The following PTPRM variants were observed in gnomAD, a reference collection of about 807,000 sequenced individuals.
PTPRM encodes protein tyrosine phosphatase receptor type M, also known as receptor-type tyrosine-protein phosphatase mu.
Under a neutral mutation model 186.7 loss-of-function variants are expected in PTPRM, and 47 were observed. The observed-to-expected ratio is 0.25, with a 90% CI of 0.20 to 0.32. The LOEUF is 0.32. Ranked by LOEUF, PTPRM falls within the 10% of genes least tolerant of loss-of-function variation. The pLI is 1.00. For missense variants in PTPRM, 1,494 were observed against 1,865.0 expected (o/e 0.80, Z 3.66); for synonymous variants, 668 against 674.9 (o/e 0.99, Z 0.16).
chr18:7,867,083 A>G (rs144036116), intron 2 of PTPRM, among the ~76,000 whole-genome samples: 9,053 of 151,976 alleles, frequency 0.06, 279 homozygotes, highest in Middle Eastern at 0.12. Flanking sequence ...TTTTGAGCCT[A>G]TGTGTGTCTT....
rs576584459 is a variant in PTPRM, at chr18:8,195,123, G to A, written c.2301-48935G>A. Among the ~76,000 whole-genome samples, 70 of 147,358 alleles carry A rather than the reference G, an allele frequency of 4.8e-4. No homozygotes were observed. The South Asian group carries it at 9.9e-3, about 21-fold the overall frequency. On this transcript the variant is annotated intron_variant, in intron 14 of 32. Coordinates refer to ENST00000580170, the MANE Select transcript of PTPRM (RefSeq NM_001105244.2). ...AGTACTGGGAAGTAGCTAGAATGGAGTTGAGTCAATTCTCAGCTCTTAGAA... is the reference window on the plus strand; with the variant it reads ...AGTACTGGGAAGTAGCTAGAATGGAATTGAGTCAATTCTCAGCTCTTAGAA...
chr18:7,837,415 C>T (rs1188989684), intron 2 of PTPRM, among the ~76,000 whole-genome samples: 1 of 152,124 alleles, frequency 6.6e-6, no homozygotes, highest in Non-Finnish European at 1.5e-5. Flanking sequence ...TGAATTCCTT[C>T]TCTGTGTTAT....
chr18:8,364,814 C>T (rs1426728000), intron 23 of PTPRM: 1 of 152,128 alleles, frequency 6.6e-6, no homozygotes, highest in African/African-American at 2.4e-5. Flanking sequence ...ATTATGGTGC[C>T]CCCAACTTAA....
At chr18:7,824,944 T>C (rs563282641) in intron 2 of PTPRM, among the ~76,000 whole-genome samples, 1 of 152,336 alleles carries the variant, frequency 6.6e-6, no homozygotes, top group South Asian at 2.1e-4. Flanking sequence ...TTTTCCAGAC[T>C]TAAGCTTCTC....
At chr18:8,206,579 T>A (rs1156863731) in intron 14 of PTPRM, among the ~76,000 whole-genome samples, 1 of 152,166 alleles carries the variant, frequency 6.6e-6, no homozygotes, top group Non-Finnish European at 1.5e-5. Flanking sequence ...AAATGACTGA[T>A]GTTCCTAAAG....
chr18:7,719,254 G>T (rs2040402766), intron 1 of PTPRM, among the ~76,000 whole-genome samples: 1 of 152,168 alleles, frequency 6.6e-6, no homozygotes, highest in Non-Finnish European at 1.5e-5. Flanking sequence ...GCAATTTGGA[G>T]TTGGCAGCCA....
chr18:8,156,500 G>A (rs1473009837), intron 14 of PTPRM, among the ~76,000 whole-genome samples: 2 of 152,174 alleles, frequency 1.3e-5, no homozygotes, highest in African/African-American at 2.4e-5. Flanking sequence ...GTAAAAATTA[G>A]ATGGTATATG....
chr18:7,699,103 A>T (rs1377267677), intron 1 of PTPRM, among the ~76,000 whole-genome samples: 2 of 152,096 alleles, frequency 1.3e-5, no homozygotes, highest in African/African-American at 4.8e-5. Context: ...AGGAGCACGA[A>T]CTCTTTTGTG....
At chr18:7,766,317 C>T (rs776563084) in intron 1 of PTPRM, among the ~76,000 whole-genome samples, 4 of 151,830 alleles carry the variant, frequency 2.6e-5, no homozygotes, top group Non-Finnish European at 4.4e-5. Flanking sequence ...ATAACTGTAA[C>T]GGGTATTAGA....
chr18:8,103,631 C>G (rs149553333), intron 11 of PTPRM, among the ~76,000 whole-genome samples: 441 of 152,262 alleles, frequency 2.9e-3, no homozygotes, highest in African/African-American at 9.9e-3. Context: ...CCAGACCACT[C>G]AAGTTAGTTT....
intron 11 of PTPRM, among the ~76,000 whole-genome samples, chr18:8,094,590 T>G (rs766118665): frequency 2.0e-5 from 3 of 151,790 alleles, no homozygotes; most frequent in Non-Finnish European, 2.9e-5. Flanking sequence ...TTTTAAAAAT[T>G]TAAAACAAAA....
Position 8,146,311 on chromosome 18 carries a change from G to A in PTPRM, c.2300+2532G>A, listed in dbSNP as rs202198379. Among the ~76,000 whole-genome samples the A allele has an allele frequency of 7.9e-5, 12 of 152,050 alleles. No homozygotes were observed. The East Asian group carries it at 2.1e-3, about 27-fold the overall frequency. ...GCTGGGATTACAGGCGTGAGCCACC[G>A]TGCCCAGCCTTCCTGACTTTTAATG... On this transcript the variant is annotated intron_variant, in intron 14 of 32. Transcript: ENST00000580170.
chr18:8,356,347 G>C, intron 23 of PTPRM, among the ~76,000 whole-genome samples: 1 of 152,216 alleles, frequency 6.6e-6, no homozygotes, highest in East Asian at 1.9e-4. Flanking sequence ...GGAGAGACTG[G>C]ACATCTTGGG....
rs1324194221 is a variant in PTPRM at position 7,614,759 on chromosome 18, G to A, written c.73+46868G>A. On this transcript the variant is annotated intron_variant, in intron 1 of 32. Transcript: ENST00000580170. ...CAGGTAATGAGTTTGACACAGGATCGATGTGCTGTCAGTCTTGAGCACAGG... is the reference window on the plus strand; with the variant it reads ...CAGGTAATGAGTTTGACACAGGATCAATGTGCTGTCAGTCTTGAGCACAGG... Among the ~76,000 whole-genome samples the A allele has an allele frequency of 7.2e-5, 11 of 152,278 alleles. No individual in the cohort carries two copies. The South Asian group carries it at 1.9e-3, about 26-fold the overall frequency.
rs767228709 is a variant in PTPRM at position 8,296,345 on chromosome 18, T to G, written c.2755-23T>G. The G allele has an allele frequency of 8.6e-6, 13 of 1,504,160 alleles. No homozygotes were observed. The South Asian group carries it at 1.4e-4, about 16-fold the overall frequency. The allele number at this position is 1,504,160 out of a possible 1,614,324, so 93.2% of individuals were successfully genotyped here. On this transcript the variant is annotated intron_variant, in intron 19 of 32. Transcript: ENST00000580170. Reference sequence around the variant, plus strand: ...TCTGTTTACTGCGCCAAATTGTAATTCTCAGTCTCACTTTCCTTCTAGAGC... The same window carrying G: ...TCTGTTTACTGCGCCAAATTGTAATGCTCAGTCTCACTTTCCTTCTAGAGC...
At chr18:8,295,452 C>T (rs116267315) in intron 19 of PTPRM, among the ~76,000 whole-genome samples, 65 of 152,218 alleles carry the variant, frequency 4.3e-4, no homozygotes, top group African/African-American at 1.4e-3. Flanking sequence ...TCTGAGGACA[C>T]GAGTCCCTAA....
intron 1 of PTPRM, among the ~76,000 whole-genome samples, chr18:7,739,444 G>A (rs1279126918): frequency 1.3e-5 from 2 of 152,198 alleles, no homozygotes; most frequent in Non-Finnish European, 2.9e-5. Flanking sequence ...AACATAAAGC[G>A]AGAAATGTGC....
At chr18:8,361,408 C>T (rs966735647) in intron 23 of PTPRM, among the ~76,000 whole-genome samples, 4 of 152,214 alleles carry the variant, frequency 2.6e-5, no homozygotes, top group African/African-American at 9.6e-5. Context: ...CCACCACTAA[C>T]AGTTACTGGA....
At chr18:7,751,642 T>C (rs2041220923) in intron 1 of PTPRM, 1 of 152,208 alleles carries the variant, frequency 6.6e-6, no homozygotes, top group African/African-American at 2.4e-5. Context: ...CCCCAGTTTC[T>C]TCATGTGTAC....
Sources: allele counts gnomAD v4.1 joint callset (sites outside exome capture counted in the v4.1 genomes callset), GRCh38; gene constraint gnomAD v4.1.1; transcripts MANE v1.5; gene names NCBI Gene and HGNC (gene_info 2026-07-23, HGNC 2026-07-21).